The following PHYHIPL variants were observed in gnomAD, a reference collection of about 807,000 sequenced individuals.
PHYHIPL encodes phytanoyl-CoA hydroxylase-interacting protein-like.
PHYHIPL carries 9 observed loss-of-function variants against 33.4 expected under a neutral mutation model. The observed-to-expected ratio is 0.27, with a 90% CI of 0.16 to 0.47. The LOEUF (loss-of-function observed/expected upper bound fraction) is 0.47. Among genes scored for constraint, PHYHIPL ranks in the 20% least tolerant of loss-of-function variants. The pLI is 0.99. For missense variants in PHYHIPL, 365 were observed against 460.7 expected, an observed-to-expected ratio of 0.79 and a Z score of 1.90; for synonymous variants, 153 against 154.1, an observed-to-expected ratio of 0.99 and a Z score of 0.05.
chr10:59,190,185 T>A (rs942495823), intron 1 of PHYHIPL, among the ~76,000 whole-genome samples: 1 of 152,014 alleles, frequency 6.6e-6, no homozygotes, highest in Non-Finnish European at 1.5e-5. Flanking sequence ...AGTTGCTATT[T>A]TATATCAGCT....
At chr10:59,174,382 G>C (rs1301475593), upstream of PHYHIPL, among the ~76,000 whole-genome samples, 3 of 152,012 alleles carry the variant, frequency 2.0e-5, no homozygotes, top group African/African-American at 7.2e-5. Context: ...TTTACTATGG[G>C]AGAAACCCTA....
chr10:59,187,708 C>G (rs925593629), intron 1 of PHYHIPL, among the ~76,000 whole-genome samples: 1 of 152,054 alleles, frequency 6.6e-6, no homozygotes, highest in Non-Finnish European at 1.5e-5. Context: ...GTGTATGTGT[C>G]GAGGAATTTA....
At chr10:59,195,452 G>C (rs1040735875) in intron 1 of PHYHIPL, among the ~76,000 whole-genome samples, 1 of 152,190 alleles carries the variant, frequency 6.6e-6, no homozygotes, top group Non-Finnish European at 1.5e-5. Context: ...AGTATAATTG[G>C]AAGACAAACG....
intron 1 of PHYHIPL, among the ~76,000 whole-genome samples, chr10:59,186,599 C>A (rs1318601384): frequency 6.6e-6 from 1 of 152,160 alleles, no homozygotes; most frequent in Non-Finnish European, 1.5e-5. Context: ...TATCCATAAG[C>A]ATGGAATGTT....
At chr10:59,216,606 C>T (rs944790968) in intron 1 of PHYHIPL, among the ~76,000 whole-genome samples, 3 of 151,954 alleles carry the variant, frequency 2.0e-5, no homozygotes, top group Non-Finnish European at 4.4e-5. Flanking sequence ...TAAACCTCAT[C>T]GGGGGTAAAG....
In PHYHIPL at chr10:59,247,628, C is replaced by G; in HGVS notation, c.*2037C>G. On this transcript the variant is annotated 3_prime_UTR_variant, in exon 5 of 5. Transcript: ENST00000373880. Reference sequence around the variant, plus strand: ...TTTCCTGAACCTCAAATAGTTTTGGCCACATCTTGCTTGCTGATGAGGACC... The same window carrying G: ...TTTCCTGAACCTCAAATAGTTTTGGGCACATCTTGCTTGCTGATGAGGACC... 1 of 1,613,272 alleles carries G rather than the reference C, an allele frequency of 6.2e-7. No homozygotes were observed. Among genetic ancestry groups the G allele is most frequent in the Non-Finnish European group, 8.5e-7 (1 of 1,179,590 alleles).
At chr10:59,232,553 T>C (rs1840109135) in intron 1 of PHYHIPL, among the ~76,000 whole-genome samples, 1 of 151,924 alleles carries the variant, frequency 6.6e-6, no homozygotes, top group South Asian at 2.1e-4. Context: ...ATAACGATAG[T>C]GGAAGTTTAA....
At chr10:59,214,508 G>A (rs1245455536) in intron 1 of PHYHIPL, among the ~76,000 whole-genome samples, 2 of 151,926 alleles carry the variant, frequency 1.3e-5, no homozygotes, top group East Asian at 1.9e-4. Flanking sequence ...AATTATTGGC[G>A]GTTATGTTGA....
At chr10:59,214,934 A>T (rs978215626) in intron 1 of PHYHIPL, among the ~76,000 whole-genome samples, 8 of 152,090 alleles carry the variant, frequency 5.3e-5, no homozygotes, top group Non-Finnish European at 1.0e-4. Flanking sequence ...AACATTCTAG[A>T]TGGATACAGA....
intron 1 of PHYHIPL, among the ~76,000 whole-genome samples, chr10:59,229,188 G>T (rs1042541673): frequency 6.6e-6 from 1 of 152,084 alleles, no homozygotes; most frequent in African/African-American, 2.4e-5. Flanking sequence ...TTTCATAGAG[G>T]TAAATACTTT....
In PHYHIPL at chr10:59,183,596, A is replaced by G. The variant is rs1375636982; in HGVS notation, c.106+6637A>G. Reference sequence around the variant, plus strand: ...GGGTGGTCACATCCAACTTTAAACAACAAAGATGAAATAAATCTACAACCA... The same window carrying G: ...GGGTGGTCACATCCAACTTTAAACAGCAAAGATGAAATAAATCTACAACCA... On this transcript the variant is annotated intron_variant, in intron 1 of 4. Transcript: ENST00000373880. The G allele has an allele frequency of 9.5e-6, 9 of 951,086 alleles. No homozygotes were observed. The South Asian group carries it at 3.9e-4, about 41-fold the overall frequency. 58.9% of individuals were successfully genotyped at this position (951,086 alleles called of 1,614,324 possible).
Position 59,214,507 on chromosome 10 carries a change from C to T in PHYHIPL, c.107-19797C>T, listed in dbSNP as rs180802609. Among the ~76,000 whole-genome samples the T allele has an allele frequency of 9.2e-4, 140 of 151,916 alleles. 3 individuals are homozygous for T. The highest frequency in any genetic ancestry group is 1.4e-3 in the Non-Finnish European group (93 of 67,890). On this transcript the variant is annotated intron_variant, in intron 1 of 4. Coordinates refer to ENST00000373880, the MANE Select transcript of PHYHIPL (RefSeq NM_032439.4). ...AACTGTTTCCAGTAATAATTATTGG[C>T]GGTTATGTTGATGGTGTTATTTTGA...
At chr10:59,201,483 T>C (rs543108122) in intron 1 of PHYHIPL, among the ~76,000 whole-genome samples, 9 of 152,302 alleles carry the variant, frequency 5.9e-5, no homozygotes, top group African/African-American at 2.2e-4. Context: ...TCCAACTATG[T>C]GGTCAATTTT....
At chr10:59,198,652 C>G (rs1459698580) in intron 1 of PHYHIPL, among the ~76,000 whole-genome samples, 2 of 152,202 alleles carry the variant, frequency 1.3e-5, no homozygotes, top group Non-Finnish European at 2.9e-5. Flanking sequence ...AATGGTTGAA[C>G]TAGTTTACAG....
At chr10:59,212,021 TAATCCATTTATGGATTAA>T (rs1839465789) in intron 1 of PHYHIPL, among the ~76,000 whole-genome samples, 1 of 152,148 alleles carries the variant, frequency 6.6e-6, no homozygotes, top group South Asian at 2.1e-4. Flanking sequence ...ATGAATGGAT[TAATCCATTTATGGATTAA>T]TGGATTAATG....
chr10:59,231,566 C>T (rs369692030), intron 1 of PHYHIPL, among the ~76,000 whole-genome samples: 3 of 151,988 alleles, frequency 2.0e-5, no homozygotes, highest in East Asian at 1.9e-4. Context: ...ATAAAGCACT[C>T]ACATTTAAAA....
intron 4 of PHYHIPL, among the ~76,000 whole-genome samples, chr10:59,244,488 T>C (rs761313179): frequency 6.0e-5 from 8 of 133,110 alleles, no homozygotes; most frequent in Non-Finnish European, 1.1e-4. Context: ...TGCTTGAACC[T>C]GGGAGGCAGA....
chr10:59,223,129 G>A (rs1159869369), intron 1 of PHYHIPL, among the ~76,000 whole-genome samples: 3 of 152,164 alleles, frequency 2.0e-5, no homozygotes, highest in Non-Finnish European at 4.4e-5. Flanking sequence ...TGGGATATTA[G>A]CATAATGGAG....
intron 1 of PHYHIPL, among the ~76,000 whole-genome samples, chr10:59,193,500 G>A (rs1589263714): frequency 6.6e-6 from 1 of 152,268 alleles, no homozygotes; most frequent in African/African-American, 2.4e-5. Flanking sequence ...GCAAATCTGT[G>A]TCTAAGGCTT....
Sources: allele counts gnomAD v4.1 joint callset (sites outside exome capture counted in the v4.1 genomes callset), GRCh38; gene constraint gnomAD v4.1.1; transcripts MANE v1.5; gene names NCBI Gene and HGNC (gene_info 2026-07-23, HGNC 2026-07-21).